The following ACSL1 variants were observed in gnomAD, a reference collection of about 807,000 sequenced individuals.
ACSL1 encodes long-chain-fatty-acid--CoA ligase 1.
In ACSL1, 41 loss-of-function variants were observed where a neutral mutation model predicts 98.4. The ratio of observed to expected loss-of-function variants is 0.42; its 90% CI spans 0.32 to 0.54. The LOEUF is 0.54. ACSL1 is among the 20% of genes least tolerant of loss of function. The probability of loss-of-function intolerance (pLI) is 0.13; values close to 1 mark genes in which losing one functional copy is unlikely to be tolerated. For synonymous variants in ACSL1, 316 were observed against 322.7 expected (o/e 0.98, Z 0.22); for missense variants, 734 against 883.1 (o/e 0.83, Z 2.14).
chr4:184,773,726 A>T lies in ACSL1; in HGVS notation c.790-12T>A, dbSNP rs1453902964. On this transcript the variant is annotated splice_polypyrimidine_tract_variant and intron_variant, in intron 8 of 20. Transcript: ENST00000281455. This position sits in a 1 kb window ranked among gnomAD's most constrained non-coding sequence, Gnocchi z 4.3. ...TCAGGTGCTGGAGGCTAAAGATTAA[A>T]AAAAAAAAAAGCTGGTATAAATCAG... 1 of 1,583,676 alleles carries T rather than the reference A, an allele frequency of 6.3e-7. No homozygotes were observed. Among genetic ancestry groups the T allele is most frequent in the Non-Finnish European group, 8.6e-7 (1 of 1,161,916 alleles).
chr4:184,804,396 A>G (rs1771059335), intron 1 of ACSL1, among the ~76,000 whole-genome samples: 1 of 152,130 alleles, frequency 6.6e-6, no homozygotes, highest in Non-Finnish European at 1.5e-5. Flanking sequence ...CCTGGCTAAC[A>G]CGGTGAAACT....
intron 4 of ACSL1, among the ~76,000 whole-genome samples, chr4:184,780,769 G>A (rs564133156): frequency 8.5e-4 from 130 of 152,064 alleles, no homozygotes; most frequent in Non-Finnish European, 1.4e-3. Context: ...ATAGAGAGAT[G>A]GATTTGTTTT....
At chr4:184,777,131 A>G (rs1765413834) in intron 5 of ACSL1, 148 bp from the exon 6 acceptor site, 7 of 687,078 alleles carry the variant, frequency 1.0e-5, no homozygotes, top group Non-Finnish European at 1.7e-5. Flanking sequence ...GCCAGGTGCT[A>G]TAAGGGATTC....
chr4:184,816,688 C>T (rs1772666092), intron 1 of ACSL1, among the ~76,000 whole-genome samples: 1 of 152,186 alleles, frequency 6.6e-6, no homozygotes, highest in Middle Eastern at 3.4e-3. Flanking sequence ...TAATGATCAA[C>T]GTTTTGCTGT....
At chr4:184,800,380 G>T (rs1228990613) in intron 2 of ACSL1, among the ~76,000 whole-genome samples, 1 of 152,132 alleles carries the variant, frequency 6.6e-6, no homozygotes, top group Non-Finnish European at 1.5e-5. Flanking sequence ...AACCACGTGT[G>T]TCTGGGCTCC....
intron 7 of ACSL1, among the ~76,000 whole-genome samples, chr4:184,776,035 C>T (rs529454242): frequency 2.0e-5 from 3 of 152,306 alleles, no homozygotes; most frequent in African/African-American, 7.2e-5. Flanking sequence ...CCAAATCAAA[C>T]ATGCATGTTG....
chr4:184,804,973 C>T (rs1478474995), intron 1 of ACSL1, among the ~76,000 whole-genome samples: 1 of 152,058 alleles, frequency 6.6e-6, no homozygotes, highest in Admixed American at 6.5e-5. Context: ...AACAGGCAAC[C>T]TACAGAATGG....
rs191324101 is a variant in ACSL1, at chr4:184,777,497, G to A, written c.478-514C>T. Among the ~76,000 whole-genome samples, 383 of 148,334 alleles carry A rather than the reference G, an allele frequency of 2.6e-3. 3 individuals are homozygous for A. Among genetic ancestry groups the A allele is most frequent in the Non-Finnish European group, 4.3e-3 (288 of 67,174 alleles). ...TGTACAAAGAGAGGGAGGGAGGGAG[G>A]GAAGGAAGGAAAGAGAGAGAGAGAA... On this transcript the variant is annotated intron_variant, in intron 5 of 20. Coordinates refer to ENST00000281455, the MANE Select transcript of ACSL1 (RefSeq NM_001995.5).
At chr4:184,815,632 T>C (rs187907619) in intron 1 of ACSL1, among the ~76,000 whole-genome samples, 3 of 152,192 alleles carry the variant, frequency 2.0e-5, no homozygotes, top group African/African-American at 7.2e-5. Flanking sequence ...GTAGAGTTAC[T>C]CACACCTCTT....
intron 1 of ACSL1, among the ~76,000 whole-genome samples, chr4:184,808,894 G>A (rs573238351): frequency 1.3e-5 from 2 of 152,314 alleles, no homozygotes; most frequent in South Asian, 4.1e-4. Context: ...TGATCTCCCT[G>A]ACTGTGGTCA....
At position 184,766,285 on chromosome 4, in the gene ACSL1, T is replaced by C. The variant is rs1429315581; in HGVS notation, c.1264-299A>G. ...GTGGCAACTACCACAATTCTGGCCT[T>C]CTGGGGGGCATGATATTGTTACACG... is the stretch of plus-strand genomic sequence containing the variant. On this transcript the variant is annotated intron_variant, in intron 13 of 20. Transcript: ENST00000281455. The surrounding 1 kb of genome is among the most constrained non-coding windows in gnomAD (Gnocchi z 4.8). Among the ~76,000 whole-genome samples, 1 of 152,210 alleles carries C rather than the reference T, an allele frequency of 6.6e-6. No homozygotes were observed. Among genetic ancestry groups the C allele is most frequent in the East Asian group, 1.9e-4 (1 of 5,192 alleles).
intron 1 of ACSL1, among the ~76,000 whole-genome samples, chr4:184,822,389 G>A (rs1374792414): frequency 6.6e-6 from 1 of 152,114 alleles, no homozygotes; most frequent in Non-Finnish European, 1.5e-5. Context: ...CGCCCCTCTT[G>A]ATTCCTCAAA....
chr4:184,813,573 A>G (rs1772332899), intron 1 of ACSL1: 1 of 250,686 alleles, frequency 4.0e-6, no homozygotes, highest in Non-Finnish European at 8.5e-6. Context: ...TTGTGTCTCT[A>G]TGACCGCAAG....
intron 4 of ACSL1, 129 bp downstream of exon 4, chr4:184,783,798 G>A (rs930895599): frequency 1.2e-6 from 1 of 841,898 alleles, no homozygotes; most frequent in Non-Finnish European, 2.0e-6. Flanking sequence ...GATGCCCCAT[G>A]CTTACGGCAA....
rs1770976785 is a variant in ACSL1, at chr4:184,803,951, G to A, written c.-32-405C>T. On this transcript the variant is annotated intron_variant, in intron 1 of 20. Transcript: ENST00000281455. The surrounding 1 kb of genome is among the most constrained non-coding windows in gnomAD (Gnocchi z 4.8). ...CGACTCTCATTGTCAAGGCTAATGG[G>A]AATATGAGTGAAGGGGAAGTACAAG... 6.6e-6 allele frequency among the ~76,000 whole-genome samples: 1 copy of A among 152,168 alleles called. No individual in the cohort carries two copies. Among genetic ancestry groups the A allele is most frequent in the South Asian group, 2.1e-4 (1 of 4,828 alleles).
chr4:184,826,123 G>GGCCCCGCCCCCGGCAGGCCCC, upstream of ACSL1: 1 of 118,448 alleles, frequency 8.4e-6, no homozygotes, highest in Non-Finnish European at 1.9e-5. Context: ...CCCGCCCGCA[G>GGCCCCGCCCCCGGCAGGCCCC]GCCCCGCCCC....
chr4:184,805,000 T>G (rs182148004), intron 1 of ACSL1, among the ~76,000 whole-genome samples: 2 of 152,148 alleles, frequency 1.3e-5, no homozygotes, highest in Admixed American at 1.3e-4. Flanking sequence ...ATTTTTGCAA[T>G]CTGTCCATCT....
At chr4:184,782,976 G>A (rs1766571832) in intron 4 of ACSL1, among the ~76,000 whole-genome samples, 1 of 152,192 alleles carries the variant, frequency 6.6e-6, no homozygotes. Context: ...AAACCCAGAA[G>A]GAGGAAGTGC....
At chr4:184,791,398 G>A (rs1561217997) in intron 2 of ACSL1, among the ~76,000 whole-genome samples, 1 of 152,208 alleles carries the variant, frequency 6.6e-6, no homozygotes, top group East Asian at 1.9e-4. Context: ...GAAATCTCAG[G>A]TGCACAGGCT....
Sources: gnomAD v4.1 joint callset for allele counts (sites outside exome capture counted in the v4.1 genomes callset) on GRCh38, gnomAD v4.1.1 for gene constraint, Gnocchi (gnomAD v3.1) non-coding constraint, MANE v1.5 for transcripts, NCBI Gene and HGNC (gene_info 2026-07-23, HGNC 2026-07-21) for gene names.